SEMA3A: variants seen among roughly 807,000 people sequenced by gnomAD.
The protein encoded by SEMA3A is semaphorin-3A.
A neutral mutation model predicts 97.9 loss-of-function variants in SEMA3A; 29 were observed. The ratio of observed to expected loss-of-function variants is 0.30; its 90% confidence interval spans 0.22 to 0.40. The LOEUF (loss-of-function observed/expected upper bound fraction) is 0.40. Ranked by LOEUF, SEMA3A falls within the 10% of genes least tolerant of loss-of-function variation. The pLI is 1.00. For synonymous variants in SEMA3A, 321 were observed against 323.7 expected (o/e 0.99, Z 0.09); for missense variants, 763 against 951.3 (o/e 0.80, Z 2.60).
chr7:84,111,489 C>T (rs1795274674), intron 3 of SEMA3A, among the ~76,000 whole-genome samples: 2 of 152,030 alleles, frequency 1.3e-5, no homozygotes, highest in African/African-American at 2.4e-5. Flanking sequence ...ATTCCATTGC[C>T]CCCATAAAAG....
intron 2 of SEMA3A, among the ~76,000 whole-genome samples, chr7:84,369,035 T>G (rs1440939999): frequency 6.6e-6 from 1 of 150,940 alleles, no homozygotes; most frequent in African/African-American, 2.4e-5. Context: ...CATTGGGAAT[T>G]AGTATATTGA....
At chr7:84,009,243 G>A (rs1226833488) in intron 9 of SEMA3A, among the ~76,000 whole-genome samples, 2 of 152,154 alleles carry the variant, frequency 1.3e-5, no homozygotes, top group Non-Finnish European at 2.9e-5. Context: ...TTGAGTCACT[G>A]CACTAAGCAA....
rs561754532 is a variant in SEMA3A at position 83,961,401 on chromosome 7, G to A, written c.2286C>T (p.His762=). Residue 762 remains histidine (H), a synonymous_variant, in exon 17 of 17, where the codon CAC becomes CAT. Coordinates refer to ENST00000265362, the MANE Select transcript of SEMA3A (RefSeq NM_006080.3). The part of the protein sequence containing the change: ...ENKKGRNRRT[H]EFERAPRSV Reference sequence around the variant, plus strand: ...CACTCCTGGGTGCCCTCTCAAATTCGTGGGTCCTCCTGTTTCTACCTTTCT... The same window carrying A: ...CACTCCTGGGTGCCCTCTCAAATTCATGGGTCCTCCTGTTTCTACCTTTCT... 1.7e-5 allele frequency: 28 copies of A among 1,613,976 alleles called. No individual in the cohort carries two copies. The East Asian group carries it at 1.8e-4, about 10-fold the overall frequency.
intron 3 of SEMA3A, among the ~76,000 whole-genome samples, chr7:84,203,667 G>A (rs969972165): frequency 3.3e-5 from 5 of 150,462 alleles, no homozygotes; most frequent in Non-Finnish European, 7.4e-5. Flanking sequence ...AAGTAGCAGG[G>A]ATTACAGGTG....
At chr7:84,168,934 A>T (rs992952252) in intron 1 of SEMA3A, among the ~76,000 whole-genome samples, 2 of 151,850 alleles carry the variant, frequency 1.3e-5, no homozygotes, top group South Asian at 4.2e-4. Flanking sequence ...TCAAGTTTGT[A>T]TTGAATTATA....
At chr7:84,145,256 T>G (rs1796429182) in intron 1 of SEMA3A, among the ~76,000 whole-genome samples, 1 of 152,128 alleles carries the variant, frequency 6.6e-6, no homozygotes, top group South Asian at 2.1e-4. Flanking sequence ...TGTACATACA[T>G]AGATTAATCA....
intron 2 of SEMA3A, among the ~76,000 whole-genome samples, chr7:84,360,906 T>C (rs971908045): frequency 1.3e-5 from 2 of 152,004 alleles, no homozygotes; most frequent in African/African-American, 2.4e-5. Context: ...ATGCAAAGTC[T>C]ACAAATTTAA....
intron 3 of SEMA3A, among the ~76,000 whole-genome samples, chr7:84,303,802 A>T (rs1251333775): frequency 6.6e-6 from 1 of 152,158 alleles, no homozygotes; most frequent in Non-Finnish European, 1.5e-5. Context: ...AGGTTAATAT[A>T]AGTGTCTGAG....
chr7:84,328,054 G>A (rs1562905266), intron 2 of SEMA3A, among the ~76,000 whole-genome samples: 1 of 151,994 alleles, frequency 6.6e-6, no homozygotes, highest in Non-Finnish European at 1.5e-5. Flanking sequence ...ATCTTTATAA[G>A]TGCTTCCATT....
intron 1 of SEMA3A, among the ~76,000 whole-genome samples, chr7:84,415,665 T>G (rs1804413877): frequency 6.6e-6 from 1 of 152,074 alleles, no homozygotes; most frequent in Non-Finnish European, 1.5e-5. Flanking sequence ...GGTTTGGAAT[T>G]TTTTAAATTA....
chr7:84,233,259 A>G (rs1799157051), intron 3 of SEMA3A, among the ~76,000 whole-genome samples: 1 of 151,934 alleles, frequency 6.6e-6, no homozygotes. Context: ...TGTTCTGTTG[A>G]ATGCTCTAGC....
chr7:84,139,546 C>A (rs1796238587), intron 1 of SEMA3A, among the ~76,000 whole-genome samples: 1 of 152,028 alleles, frequency 6.6e-6, no homozygotes, highest in African/African-American at 2.4e-5. Context: ...GACTGTAAAA[C>A]CAGACACAGA....
chr7:84,091,292 G>A (rs1428673395), intron 4 of SEMA3A, among the ~76,000 whole-genome samples: 1 of 105,682 alleles, frequency 9.5e-6, no homozygotes, highest in African/African-American at 3.2e-5. Context: ...AAGAAAGAAA[G>A]AAAAAGAAAA....
chr7:84,140,076 T>G (rs1023398558), intron 1 of SEMA3A, among the ~76,000 whole-genome samples: 2 of 152,086 alleles, frequency 1.3e-5, no homozygotes, highest in Admixed American at 1.3e-4. Flanking sequence ...TATAAACTAG[T>G]GTTCTTCTCA....
chr7:84,156,702 G>GT (rs1445544255), intron 1 of SEMA3A, among the ~76,000 whole-genome samples: 3 of 152,042 alleles, frequency 2.0e-5, no homozygotes, highest in Non-Finnish European at 2.9e-5. Flanking sequence ...GGAAGACTAT[G>GT]TTTTTTTACC....
chr7:84,068,532 A>T (rs113007647), intron 4 of SEMA3A, among the ~76,000 whole-genome samples: 2,146 of 152,156 alleles, frequency 0.014, 35 homozygotes, highest in African/African-American at 0.037. Flanking sequence ...ATATTAAAAT[A>T]TGTATATGCG....
Position 84,284,364 on chromosome 7 carries a change from T to G in SEMA3A, c.-83+22843A>C, listed in dbSNP as rs76847826. Among the ~76,000 whole-genome samples the G allele has an allele frequency of 4.1e-3, 626 of 152,246 alleles. 35 individuals carry two copies. The East Asian group carries it at 0.11, about 26-fold the overall frequency. On this transcript the variant is annotated intron_variant, in intron 3 of 3. Coordinates refer to the SEMA3A transcript ENST00000424555. Reference sequence around the variant, plus strand: ...CATTTTCTAAGTATCACATTCTTTTTGTTCAATCACTATGATTCAGGAACA... The same window carrying G: ...CATTTTCTAAGTATCACATTCTTTTGGTTCAATCACTATGATTCAGGAACA...
At chr7:84,308,126 T>C (rs1801211065) in intron 2 of SEMA3A, among the ~76,000 whole-genome samples, 1 of 152,118 alleles carries the variant, frequency 6.6e-6, no homozygotes, top group Non-Finnish European at 1.5e-5. Flanking sequence ...TAAAGTAGTA[T>C]TTCTTTCCAA....
At chr7:84,149,302 T>G (rs1358779105) in intron 1 of SEMA3A, among the ~76,000 whole-genome samples, 1 of 152,222 alleles carries the variant, frequency 6.6e-6, no homozygotes, top group African/African-American at 2.4e-5. Flanking sequence ...TTCCAAATAG[T>G]TTCTTGCTAT....
Sources: gnomAD v4.1 joint callset for allele counts (sites outside exome capture counted in the v4.1 genomes callset) on GRCh38, gnomAD v4.1.1 for gene constraint, MANE v1.5 for transcripts, NCBI Gene and HGNC (gene_info 2026-07-23, HGNC 2026-07-21) for gene names.